Variants in FER observed in about 807,000 individuals in gnomAD.
FER encodes the protein tyrosine-protein kinase Fer.
In FER, 63 loss-of-function variants were observed where a neutral mutation model predicts 111.0. That is an observed-to-expected ratio of 0.57 (90% CI 0.46 to 0.70). The LOEUF is 0.70. FER is among the 30% of genes least tolerant of loss of function. FER has a pLI of 0.00. For missense variants in FER, 914 were observed against 954.0 expected (o/e 0.96, Z 0.55); for synonymous variants, 327 against 313.9 (o/e 1.04, Z -0.44).
chr5:109,092,504 A>G (rs983543119), intron 16 of FER, among the ~76,000 whole-genome samples: 9 of 152,156 alleles, frequency 5.9e-5, no homozygotes, highest in Admixed American at 3.3e-4. Context: ...AAGCAAATTG[A>G]AAGATTTTCT....
chr5:108,756,420 C>T (rs1751117902), intron 1 of FER, among the ~76,000 whole-genome samples: 1 of 151,788 alleles, frequency 6.6e-6, no homozygotes, highest in Admixed American at 6.6e-5. Flanking sequence ...AATCCAGTCA[C>T]TATCGCATTT....
intron 13 of FER, among the ~76,000 whole-genome samples, chr5:109,030,448 A>T (rs536331942): frequency 6.6e-6 from 1 of 152,292 alleles, no homozygotes; most frequent in African/African-American, 2.4e-5. Flanking sequence ...TCATTTTTGC[A>T]GGTAGTTACC....
At chr5:109,038,164 T>C (rs1770657460) in intron 14 of FER, among the ~76,000 whole-genome samples, 1 of 151,930 alleles carries the variant, frequency 6.6e-6, no homozygotes, top group African/African-American at 2.4e-5. Flanking sequence ...TTTGAAAATT[T>C]ATTAATAACT....
chr5:109,188,377 C>T lies in FER; in HGVS notation c.*802C>T, dbSNP rs556778130. ...CCAGCCTGGCTTGCATGGTGAAACC[C>T]TGTCTCTACCAAAAAAAAAAAAAGA... On this transcript the variant is annotated 3_prime_UTR_variant, in exon 20 of 20. Coordinates refer to ENST00000281092, the MANE Select transcript of FER (RefSeq NM_005246.4). 8.8e-6 allele frequency: 1 copy of T among 113,182 alleles called. No homozygotes were observed. The highest frequency in any genetic ancestry group is 2.4e-4 in the East Asian group (1 of 4,104). The allele number at this position is 113,182 out of a possible 1,614,324, so 7.0% of individuals were successfully genotyped here. A position where few individuals can be genotyped will look rare whatever the true frequency, so the allele number is the denominator to read the frequency against.
At chr5:109,157,933 C>T (rs1755577765) in intron 17 of FER, among the ~76,000 whole-genome samples, 1 of 151,902 alleles carries the variant, frequency 6.6e-6, no homozygotes, top group Admixed American at 6.6e-5. Context: ...CAGTGAGATA[C>T]GTGACGAATA....
intron 18 of FER, among the ~76,000 whole-genome samples, chr5:109,185,502 G>A (rs145625821): frequency 2.0e-5 from 3 of 152,208 alleles, no homozygotes; most frequent in East Asian, 1.9e-4. Context: ...AGACAAAATC[G>A]CAGGAATCCA....
intron 1 of FER, among the ~76,000 whole-genome samples, chr5:108,758,319 G>T (rs1229236435): frequency 6.6e-6 from 1 of 152,198 alleles, no homozygotes; most frequent in African/African-American, 2.4e-5. Flanking sequence ...AGTTGAATCT[G>T]TGCTCCTAGT....
At chr5:108,910,261 A>G (rs964440248) in intron 10 of FER, among the ~76,000 whole-genome samples, 6 of 152,220 alleles carry the variant, frequency 3.9e-5, no homozygotes, top group South Asian at 2.1e-4. Context: ...AAACTTGTCT[A>G]TCATCATCTA....
intron 13 of FER, among the ~76,000 whole-genome samples, chr5:108,978,007 T>G (rs1053758853): frequency 1.3e-5 from 2 of 152,054 alleles, no homozygotes; most frequent in Non-Finnish European, 2.9e-5. Flanking sequence ...CCACCACGAT[T>G]GGCTAATATT....
chr5:109,180,771 G>A lies in FER; in HGVS notation c.2073G>A (p.Leu691=), dbSNP rs750622540. 2 of 1,613,234 alleles carry A rather than the reference G, an allele frequency of 1.2e-6. No homozygotes were observed. Among genetic ancestry groups the A allele is most frequent in the East Asian group, 4.5e-5 (2 of 44,826 alleles). Reference sequence around the variant, plus strand: ...GGGACCTTGCTGCAAGAAACTGCCTGGTAGGTGAAAATAATGTTCTGAAAA... The same window carrying A: ...GGGACCTTGCTGCAAGAAACTGCCTAGTAGGTGAAAATAATGTTCTGAAAA... ...IHRDLAARNC[L]VGENNVLKIS... is the part of the protein sequence containing the mutation. Residue 691 remains leucine (L), a synonymous_variant, in exon 18 of 20, where the codon CTG becomes CTA. Transcript: ENST00000281092.
At chr5:108,910,408 T>C (rs1387677948) in intron 10 of FER, among the ~76,000 whole-genome samples, 1 of 152,172 alleles carries the variant, frequency 6.6e-6, no homozygotes, top group Non-Finnish European at 1.5e-5. Flanking sequence ...AAACACCAAA[T>C]TTCTTGACCA....
chr5:109,052,207 A>G lies in FER; in HGVS notation c.1924+5009A>G, dbSNP rs1043799463. 2.4e-5 allele frequency: 39 copies of G among 1,607,658 alleles called. 1 individual carries two copies. The highest frequency in any genetic ancestry group is 2.4e-4 in the African/African-American group (18 of 74,816). ...GTACAAGAGTATGGGTACAGACACA[A>G]ATATGATCTGCAGGACCCAGAAGCG... On this transcript the variant is annotated intron_variant, in intron 16 of 19. Coordinates refer to ENST00000281092, the MANE Select transcript of FER (RefSeq NM_005246.4).
At chr5:109,081,432 A>G (rs1317840469) in intron 16 of FER, among the ~76,000 whole-genome samples, 4 of 152,062 alleles carry the variant, frequency 2.6e-5, no homozygotes, top group Admixed American at 2.6e-4. Flanking sequence ...GATCTGAATT[A>G]GGAGAAATAT....
At chr5:108,843,192 A>G (rs1347185077) in intron 5 of FER, among the ~76,000 whole-genome samples, 3 of 152,206 alleles carry the variant, frequency 2.0e-5, no homozygotes, top group African/African-American at 7.2e-5. Context: ...GGATTACTTC[A>G]CTTAGAATAA....
intron 10 of FER, among the ~76,000 whole-genome samples, chr5:108,898,651 T>C (rs1749540762): frequency 6.7e-6 from 1 of 148,368 alleles, no homozygotes; most frequent in Admixed American, 6.7e-5. Flanking sequence ...TTCTTTCCTT[T>C]CTCTCTTCCT....
intron 10 of FER, among the ~76,000 whole-genome samples, chr5:108,929,551 A>G (rs1754267682): frequency 6.6e-6 from 1 of 152,282 alleles, no homozygotes; most frequent in South Asian, 2.1e-4. Context: ...GTTAACAGAA[A>G]TAAGGTACAT....
chr5:108,855,596 A>G (rs950979011), intron 5 of FER, among the ~76,000 whole-genome samples: 2 of 148,362 alleles, frequency 1.3e-5, no homozygotes, highest in African/African-American at 4.9e-5. Flanking sequence ...ACTCCAGCGA[A>G]AAAAAAAAAA....
chr5:108,777,388 G>T (rs567057855), intron 2 of FER, among the ~76,000 whole-genome samples: 1 of 152,240 alleles, frequency 6.6e-6, no homozygotes, highest in African/African-American at 2.4e-5. Context: ...TCTCACCAGA[G>T]TGGTATATTT....
intron 17 of FER, among the ~76,000 whole-genome samples, chr5:109,140,860 A>C (rs1317543333): frequency 6.6e-6 from 1 of 152,204 alleles, no homozygotes; most frequent in Non-Finnish European, 1.5e-5. Flanking sequence ...ATTTAAGTGA[A>C]GTTGCAAGAA....
Sources: gnomAD v4.1 joint callset for allele counts (sites outside exome capture counted in the v4.1 genomes callset) on GRCh38, gnomAD v4.1.1 for gene constraint, MANE v1.5 for transcripts, NCBI Gene and HGNC (gene_info 2026-07-23, HGNC 2026-07-21) for gene names.